GNGT2: variants seen among roughly 807,000 people sequenced by gnomAD.
The protein encoded by GNGT2 is G protein subunit gamma transducin 2.
In GNGT2, 4 loss-of-function variants were observed where a neutral mutation model predicts 3.5. The observed-to-expected ratio is 1.13, with a 90% confidence interval of 0.56 to 2.59. The LOEUF is 2.59. Among genes scored for constraint, GNGT2 ranks in the 30% most tolerant of loss-of-function variants. The probability of loss-of-function intolerance (pLI) is 0.02; values close to 1 mark genes in which losing one functional copy is unlikely to be tolerated. For synonymous variants in GNGT2, 31 were observed against 29.5 expected (o/e 1.05, Z -0.17); for missense variants, 64 against 81.2 (o/e 0.79, Z 0.82).
intron 1 of GNGT2, 79 bp from the exon 2 acceptor site, chr17:49,209,033 C>A (rs1238686498): frequency 6.6e-6 from 1 of 152,286 alleles, no homozygotes; most frequent in Non-Finnish European, 1.5e-5. Context: ...AGCCTTCAAG[C>A]CCTCACTACA....
At chr17:49,206,908 G>C (rs934119896) in intron 3 of GNGT2, 26 bp from the exon 4 acceptor site, 6 of 1,613,692 alleles carry the variant, frequency 3.7e-6, no homozygotes, top group Admixed American at 1.7e-5. Context: ...AAATGTTTTA[G>C]GTCCTTGTTA....
chr17:49,207,492 A>G, intron 2 of GNGT2, 48 bp from the exon 3 acceptor site: 1 of 1,021,226 alleles, frequency 9.8e-7, no homozygotes, highest in Non-Finnish European at 1.6e-6. Flanking sequence ...CAGCTCTTCC[A>G]GCTCCCTCCA....
intron 2 of GNGT2, among the ~76,000 whole-genome samples, chr17:49,208,477 A>G (rs1598233237): frequency 1.4e-5 from 2 of 148,114 alleles, no homozygotes; most frequent in Non-Finnish European, 1.5e-5. Flanking sequence ...AAAAAAAAAG[A>G]GAGAGAGAGA....
chr17:49,210,048 C>T lies in GNGT2; in HGVS notation c.-133+396G>A, dbSNP rs1218429277. 6.6e-6 allele frequency among the ~76,000 whole-genome samples: 1 copy of T among 152,194 alleles called. No individual in the cohort carries two copies. The highest frequency in any genetic ancestry group is 2.4e-5 in the African/African-American group (1 of 41,446). Reference sequence around the variant, plus strand: ...TTGTCCTGCCTTCATCTGCACAGAGCGTGTAGGGCAGATCTTCATCACACA... The same window carrying T: ...TTGTCCTGCCTTCATCTGCACAGAGTGTGTAGGGCAGATCTTCATCACACA... On this transcript the variant is annotated intron_variant, in intron 1 of 3. Coordinates refer to ENST00000507680, the MANE Select transcript of GNGT2 (RefSeq NM_001198754.2). The surrounding 1 kb of genome is among the most constrained non-coding windows in gnomAD (Gnocchi z 4.2).
intron 3 of GNGT2, 22 bp downstream of exon 3, chr17:49,207,316 AG>A: frequency 6.5e-7 from 1 of 1,544,524 alleles, no homozygotes; most frequent in Non-Finnish European, 9.0e-7. Context: ...AGGGAAGAGC[AG>A]GGACGGGGCG....
chr17:49,209,909 C>T (rs978205596), intron 1 of GNGT2, among the ~76,000 whole-genome samples: 1 of 152,150 alleles, frequency 6.6e-6, no homozygotes, highest in African/African-American at 2.4e-5. Flanking sequence ...CTCTGTCCAC[C>T]GCTGCTTCCT....
In GNGT2 at chr17:49,206,448, G is replaced by T. The variant is rs944984522; in HGVS notation, c.*309C>A. 5 of 309,762 alleles carry T rather than the reference G, an allele frequency of 1.6e-5. No individual in the cohort carries two copies. The highest frequency in any genetic ancestry group is 6.7e-5 in the African/African-American group (3 of 44,798). 19.2% of individuals were successfully genotyped at this position (309,762 alleles called of 1,614,324 possible). A position where few individuals can be genotyped will look rare whatever the true frequency, so the allele number is the denominator to read the frequency against. On this transcript the variant is annotated 3_prime_UTR_variant, in exon 4 of 4. Transcript: ENST00000507680. The stretch of plus-strand genomic sequence containing the variant: ...CCAGGTGGTGTAAGTGCTTCCTAAG[G>T]ACTGCCCTCTGGGGTCTTGGGGTAT...
chr17:49,206,751 A>T lies in GNGT2; in HGVS notation c.*6T>A. ...GGACAGACACTCAGGGCAGGGCTCCATGCCATCAGCTTATCAGACAGCCAC... is the reference window on the plus strand; with the variant it reads ...GGACAGACACTCAGGGCAGGGCTCCTTGCCATCAGCTTATCAGACAGCCAC... On this transcript the variant is annotated 3_prime_UTR_variant, in exon 4 of 4. Transcript: ENST00000507680. The T allele has an allele frequency of 1.9e-6, 3 of 1,611,582 alleles. No homozygotes were observed. Among genetic ancestry groups the T allele is most frequent in the Non-Finnish European group, 2.5e-6 (3 of 1,178,788 alleles).
At chr17:49,206,968 G>T in intron 3 of GNGT2, 86 bp from the exon 4 acceptor site, 1 of 1,432,704 alleles carries the variant, frequency 7.0e-7, no homozygotes, top group Non-Finnish European at 9.8e-7. Flanking sequence ...AGGCTTCTGG[G>T]CAGGGCAGAG....
chr17:49,208,596 C>T (rs978926089), intron 2 of GNGT2, among the ~76,000 whole-genome samples: 2 of 151,978 alleles, frequency 1.3e-5, no homozygotes, highest in Admixed American at 1.3e-4. Flanking sequence ...GTATTAGTTT[C>T]CCCAGCTGCA....
At chr17:49,209,853 T>C (rs1412352626) in intron 1 of GNGT2, among the ~76,000 whole-genome samples, 1 of 152,144 alleles carries the variant, frequency 6.6e-6, no homozygotes. Flanking sequence ...ACAACTGTCC[T>C]GTTAATGCGT....
Position 49,210,505 on chromosome 17 carries a change from C to A in GNGT2, c.-194G>T. ...CCCCCAAATGGGCCCCTGGCTTCCC[C>A]CTTCCTCTGGGCAGGGGACAGAGAG... On this transcript the variant is annotated 5_prime_UTR_variant, in exon 1 of 4. Transcript: ENST00000507680. The surrounding 1 kb of genome is among the most constrained non-coding windows in gnomAD (Gnocchi z 4.2). The A allele has an allele frequency of 2.3e-6, 1 of 441,056 alleles. No individual in the cohort carries two copies. The highest frequency in any genetic ancestry group is 4.1e-6 in the Non-Finnish European group (1 of 246,512). 27.3% of individuals were successfully genotyped at this position (441,056 alleles called of 1,614,324 possible).
chr17:49,207,539 C>T (rs969366363), intron 2 of GNGT2, 95 bp from the exon 3 acceptor site: 23 of 737,570 alleles, frequency 3.1e-5, no homozygotes, highest in Non-Finnish European at 5.4e-5. Flanking sequence ...CCATATCCCT[C>T]AGTTCAGGCC....
chr17:49,207,067 C>A (rs1374691155), intron 3 of GNGT2, among the ~76,000 whole-genome samples, 185 bp from the exon 4 acceptor site: 1 of 152,106 alleles, frequency 6.6e-6, no homozygotes, highest in Non-Finnish European at 1.5e-5. Flanking sequence ...CTGACCCTGA[C>A]CTTCATGGGC....
At chr17:49,209,680 G>T (rs1283342081) in intron 1 of GNGT2, among the ~76,000 whole-genome samples, 1 of 152,174 alleles carries the variant, frequency 6.6e-6, no homozygotes, top group African/African-American at 2.4e-5. Context: ...TCAATGGGAG[G>T]TCCTCTTATT....
chr17:49,206,513 C>T lies in GNGT2; in HGVS notation c.*244G>A, dbSNP rs2043108452. On this transcript the variant is annotated 3_prime_UTR_variant, in exon 4 of 4. Transcript: ENST00000507680. Reference sequence around the variant, plus strand: ...ACCCCACCACCCATGGGGCCAACCGCTCGGCCAGCCACACTGTCCTCAGAG... The same window carrying T: ...ACCCCACCACCCATGGGGCCAACCGTTCGGCCAGCCACACTGTCCTCAGAG... 6 of 472,608 alleles carry T rather than the reference C, an allele frequency of 1.3e-5. No homozygotes were observed. Among genetic ancestry groups the T allele is most frequent in the Non-Finnish European group, 2.2e-5 (6 of 269,884 alleles). The allele number at this position is 472,608 out of a possible 1,614,324, so 29.3% of individuals were successfully genotyped here.
At chr17:49,207,952 G>T (rs1467508683) in intron 2 of GNGT2, among the ~76,000 whole-genome samples, 1 of 152,098 alleles carries the variant, frequency 6.6e-6, no homozygotes, top group Non-Finnish European at 1.5e-5. Context: ...GATCGCTTGA[G>T]CCCAGGAGTT....
intron 2 of GNGT2, among the ~76,000 whole-genome samples, chr17:49,208,282 G>A (rs1370005966): frequency 6.6e-5 from 10 of 152,072 alleles, no homozygotes. Flanking sequence ...CCAACATGGT[G>A]AAACCCCATC....
chr17:49,206,630 C>G lies in GNGT2; in HGVS notation c.*127G>C. On this transcript the variant is annotated 3_prime_UTR_variant, in exon 4 of 4. Coordinates refer to ENST00000507680, the MANE Select transcript of GNGT2 (RefSeq NM_001198754.2). ...GGGAGTGGGGAATGGGTTCACAATG[C>G]ATTTGTTCAGGGATCTTTACTCATT... 1 of 829,270 alleles carries G rather than the reference C, an allele frequency of 1.2e-6. No homozygotes were observed. Among genetic ancestry groups the G allele is most frequent in the Non-Finnish European group, 1.9e-6 (1 of 519,860 alleles). The allele number at this position is 829,270 out of a possible 1,614,324, so 51.4% of individuals were successfully genotyped here.
Sources: allele counts gnomAD v4.1 joint callset (sites outside exome capture counted in the v4.1 genomes callset), GRCh38; gene constraint gnomAD v4.1.1; non-coding constraint Gnocchi (gnomAD v3.1); transcripts MANE v1.5; gene names NCBI Gene and HGNC (gene_info 2026-07-23, HGNC 2026-07-21).